PTPRM: variants seen among roughly 807,000 people sequenced by gnomAD.
PTPRM encodes protein tyrosine phosphatase receptor type M, also known as receptor-type tyrosine-protein phosphatase mu.
In PTPRM, 47 loss-of-function variants were observed where a neutral mutation model predicts 186.7. The ratio of observed to expected loss-of-function variants is 0.25; its 90% CI spans 0.20 to 0.32. The LOEUF (loss-of-function observed/expected upper bound fraction) is 0.32. Ranked by LOEUF, PTPRM falls within the 10% of genes least tolerant of loss-of-function variation. The probability of loss-of-function intolerance (pLI) is 1.00; values close to 1 mark genes in which losing one functional copy is unlikely to be tolerated. For missense variants in PTPRM, 1,494 were observed against 1,865.0 expected, an observed-to-expected ratio of 0.80 and a Z score of 3.66; for synonymous variants, 668 against 674.9, an observed-to-expected ratio of 0.99 and a Z score of 0.16.
chr18:7,886,183 C>T (rs188827093), intron 2 of PTPRM, among the ~76,000 whole-genome samples: 11 of 152,264 alleles, frequency 7.2e-5, no homozygotes, highest in East Asian at 1.9e-4. Flanking sequence ...TAGAATCTGG[C>T]GTAAATCAGC....
chr18:7,630,892 T>C (rs1397327858), intron 1 of PTPRM, among the ~76,000 whole-genome samples: 1 of 152,152 alleles, frequency 6.6e-6, no homozygotes, highest in Non-Finnish European at 1.5e-5. Flanking sequence ...TGCAGGCATA[T>C]AGTGTAGTGT....
intron 7 of PTPRM, among the ~76,000 whole-genome samples, chr18:7,977,795 A>ACAGTTCTAT (rs2055056653): frequency 6.6e-6 from 1 of 151,768 alleles, no homozygotes; most frequent in African/African-American, 2.4e-5. Context: ...TGTTCATAAT[A>ACAGTTCTAT]CAGTTCTATG....
chr18:7,739,619 A>G (rs982905661), intron 1 of PTPRM, among the ~76,000 whole-genome samples: 1 of 152,194 alleles, frequency 6.6e-6, no homozygotes, highest in African/African-American at 2.4e-5. Flanking sequence ...TACAGCAGGC[A>G]CCTTGGGAGT....
At chr18:7,684,633 A>G (rs1210102579) in intron 1 of PTPRM, among the ~76,000 whole-genome samples, 1 of 152,202 alleles carries the variant, frequency 6.6e-6, no homozygotes, top group Non-Finnish European at 1.5e-5. Context: ...TCACTTAACA[A>G]AATGTCCCCA....
At chr18:8,381,483 A>G (rs535844390) in intron 29 of PTPRM, among the ~76,000 whole-genome samples, 13 of 152,208 alleles carry the variant, frequency 8.5e-5, no homozygotes, top group Non-Finnish European at 1.2e-4. Context: ...TGGACATTCA[A>G]TTCAGTTCTA....
At chr18:8,264,020 G>A (rs369719027) in intron 19 of PTPRM, among the ~76,000 whole-genome samples, 5 of 152,158 alleles carry the variant, frequency 3.3e-5, no homozygotes, top group African/African-American at 1.2e-4. Flanking sequence ...TCTGAAGCGG[G>A]GGGTTGCCAT....
chr18:8,088,432 C>T (rs1007573007), intron 10 of PTPRM, among the ~76,000 whole-genome samples: 3 of 152,104 alleles, frequency 2.0e-5, no homozygotes, highest in South Asian at 4.1e-4. Context: ...GTGTACAGCT[C>T]GGTGATTTTT....
intron 7 of PTPRM, among the ~76,000 whole-genome samples, chr18:8,023,982 G>A (rs186113850): frequency 6.6e-5 from 10 of 152,082 alleles, no homozygotes; most frequent in Admixed American, 2.0e-4. Flanking sequence ...AATTACTCAC[G>A]TAACTGCTTC....
chr18:7,965,301 C>A (rs1207473178), intron 7 of PTPRM, among the ~76,000 whole-genome samples: 1 of 152,134 alleles, frequency 6.6e-6, no homozygotes, highest in Non-Finnish European at 1.5e-5. Context: ...CCGCCTTGGC[C>A]TCCCAAAGTA....
intron 14 of PTPRM, among the ~76,000 whole-genome samples, chr18:8,160,385 T>G (rs2093206544): frequency 6.6e-6 from 1 of 152,146 alleles, no homozygotes; most frequent in Non-Finnish European, 1.5e-5. Context: ...TGGGCTCAAG[T>G]GATCCCCCGT....
At chr18:8,184,904 C>T (rs1028655580) in intron 14 of PTPRM, among the ~76,000 whole-genome samples, 2 of 152,132 alleles carry the variant, frequency 1.3e-5, no homozygotes. Flanking sequence ...ATAGCAGTTG[C>T]CCAGGTAAGA....
At chr18:8,089,198 C>A (rs1211138002) in intron 11 of PTPRM, among the ~76,000 whole-genome samples, 2 of 152,028 alleles carry the variant, frequency 1.3e-5, no homozygotes, top group African/African-American at 4.8e-5. Flanking sequence ...CAGCTCTGTT[C>A]TTTGAATGGA....
At chr18:8,009,639 C>T (rs1315760666) in intron 7 of PTPRM, among the ~76,000 whole-genome samples, 3 of 152,008 alleles carry the variant, frequency 2.0e-5, no homozygotes, top group African/African-American at 4.8e-5. Context: ...ATCCAGGAGG[C>T]GGAGGTCGCA....
chr18:8,201,045 A>G lies in PTPRM; in HGVS notation c.2301-43013A>G, dbSNP rs187739916. On this transcript the variant is annotated intron_variant, in intron 14 of 32. Transcript: ENST00000580170. The stretch of plus-strand genomic sequence containing the variant: ...AAATTAAGATTTAAGGCCAGGCACG[A>G]TGGCTCCCGCCTGTAATCCCAGCAC... Among the ~76,000 whole-genome samples, 68 of 152,316 alleles carry G rather than the reference A, an allele frequency of 4.5e-4. No homozygotes were observed. In the East Asian group the frequency reaches 0.01, roughly 23 times the overall value.
chr18:7,814,539 T>A (rs2044702664), intron 2 of PTPRM: 1 of 152,096 alleles, frequency 6.6e-6, no homozygotes, highest in Non-Finnish European at 1.5e-5. Flanking sequence ...GGAAAACAGG[T>A]TCTGGGAAAC....
At chr18:7,862,684 G>A (rs1180258963) in intron 2 of PTPRM, among the ~76,000 whole-genome samples, 4 of 152,214 alleles carry the variant, frequency 2.6e-5, no homozygotes, top group African/African-American at 9.6e-5. Context: ...CTAAGACTGT[G>A]AATGGTGCTC....
At chr18:7,683,457 G>A (rs181330117) in intron 1 of PTPRM, among the ~76,000 whole-genome samples, 222 of 152,312 alleles carry the variant, frequency 1.5e-3, no homozygotes, top group Middle Eastern at 3.4e-3. Context: ...ATAGGCGTGA[G>A]CCACTGTGCC....
At chr18:7,655,271 G>T (rs890763316) in intron 1 of PTPRM, among the ~76,000 whole-genome samples, 4 of 152,108 alleles carry the variant, frequency 2.6e-5, no homozygotes, top group Non-Finnish European at 5.9e-5. Flanking sequence ...TGCCCAGGCT[G>T]GTCTCAAACT....
chr18:7,959,808 A>G (rs1168885673), intron 7 of PTPRM, among the ~76,000 whole-genome samples: 4 of 152,208 alleles, frequency 2.6e-5, no homozygotes, highest in Non-Finnish European at 4.4e-5. Flanking sequence ...CCCTGTCAAT[A>G]TGGGTTATTG....
Sources: allele counts gnomAD v4.1 joint callset (sites outside exome capture counted in the v4.1 genomes callset), GRCh38; gene constraint gnomAD v4.1.1; transcripts MANE v1.5; gene names NCBI Gene and HGNC (gene_info 2026-07-23, HGNC 2026-07-21).